Variants in FOXP2 observed in about 807,000 individuals in gnomAD.
FOXP2 encodes forkhead box protein P2.
A neutral mutation model predicts 115.8 loss-of-function variants in FOXP2; 12 were observed. The observed-to-expected ratio is 0.10, with a 90% CI of 0.07 to 0.17. The LOEUF is 0.17. Ranked by LOEUF, FOXP2 falls within the 10% of genes least tolerant of loss-of-function variation. The pLI is 1.00. For missense variants in FOXP2, 629 were observed against 843.5 expected, an observed-to-expected ratio of 0.75 and a Z score of 3.15; for synonymous variants, 328 against 297.7, an observed-to-expected ratio of 1.10 and a Z score of -1.05.
chr7:114,619,747 G>A (rs1804143098), intron 3 of FOXP2, among the ~76,000 whole-genome samples: 1 of 152,056 alleles, frequency 6.6e-6, no homozygotes, highest in East Asian at 1.9e-4. Context: ...TGAATAAACT[G>A]GCTGTGAAAG....
chr7:114,187,695 T>C (rs774314394), intron 1 of FOXP2, among the ~76,000 whole-genome samples: 3 of 152,248 alleles, frequency 2.0e-5, no homozygotes, highest in Non-Finnish European at 4.4e-5. Context: ...GTATTTGTTA[T>C]AGTAACAACC....
intron 1 of FOXP2, among the ~76,000 whole-genome samples, chr7:114,225,326 T>C (rs909659859): frequency 6.6e-6 from 1 of 152,116 alleles, no homozygotes; most frequent in Non-Finnish European, 1.5e-5. Flanking sequence ...CCCCTTTCTT[T>C]CCTTTTTTGA....
intron 1 of FOXP2, among the ~76,000 whole-genome samples, chr7:114,201,363 T>C (rs896249796): frequency 9.9e-5 from 15 of 152,088 alleles, no homozygotes; most frequent in Non-Finnish European, 1.8e-4. Context: ...CTCAGGAGGC[T>C]GAGGCTGGAG....
chr7:114,392,913 G>T (rs981686077), intron 2 of FOXP2, among the ~76,000 whole-genome samples: 2 of 152,158 alleles, frequency 1.3e-5, no homozygotes, highest in Non-Finnish European at 2.9e-5. Flanking sequence ...TGAGGTAAGT[G>T]GATGGGTTTA....
chr7:114,541,007 G>C (rs1799637463), intron 3 of FOXP2, among the ~76,000 whole-genome samples: 1 of 152,054 alleles, frequency 6.6e-6, no homozygotes, highest in South Asian at 2.1e-4. Context: ...GCAGTGGTCT[G>C]TGAAGATAGC....
intron 1 of FOXP2, among the ~76,000 whole-genome samples, chr7:114,120,419 T>C (rs1450209274): frequency 6.6e-6 from 1 of 152,102 alleles, no homozygotes; most frequent in Non-Finnish European, 1.5e-5. Context: ...TTTGAAAGCA[T>C]TTGAAACTGG....
Position 114,534,679 on chromosome 7 carries a change from G to A in FOXP2, c.231G>A (p.Lys77=). The A allele has an allele frequency of 6.2e-7, 1 of 1,611,904 alleles. No homozygotes were observed. Among genetic ancestry groups the A allele is most frequent in the Non-Finnish European group, 8.5e-7 (1 of 1,178,508 alleles). The change falls in exon 3 of 17, where the codon AAG becomes AAA. Residue 77 remains lysine, a synonymous_variant. Transcript: ENST00000350908. ...AAACAAGTGGATTGAAATCTCCTAA[G>A]AGCAGTGATAAACAGAGACCACTGC... The part of the protein sequence containing the change: ...QQQTSGLKSP[K]SSDKQRPLQV...
At chr7:114,245,989 A>T (rs1054157855) in intron 1 of FOXP2, among the ~76,000 whole-genome samples, 1 of 152,166 alleles carries the variant, frequency 6.6e-6, no homozygotes, top group Non-Finnish European at 1.5e-5. Context: ...GTTCTCTGAC[A>T]TTAGAAGGTG....
chr7:114,538,195 C>A, intron 3 of FOXP2: 2 of 498,616 alleles, frequency 4.0e-6, no homozygotes, highest in Non-Finnish European at 7.4e-6. Flanking sequence ...CACACATGCA[C>A]ACTTCCATAA....
In FOXP2 at chr7:114,534,627, C is replaced by G; in HGVS notation, c.179C>G (p.Ala60Gly). 6.2e-7 allele frequency: 1 copy of G among 1,611,784 alleles called. No homozygotes were observed. The highest frequency in any genetic ancestry group is 8.5e-7 in the Non-Finnish European group (1 of 1,178,352). ...LHLQQQQALQAARQLLLQQQT... is the reference protein window; with the variant it reads ...LHLQQQQALQGARQLLLQQQT... ...CATTTTTACTTCTAGGCTCTCCAGG[C>G]AGCAAGACAACTTCTTTTACAGCAG... The change falls in exon 3 of 17, where the codon GCA (alanine) becomes GGA (glycine). Residue 60 changes from alanine to glycine, a missense_variant. Physicochemically the swap from Ala to Gly is moderately conservative, Grantham distance 60. Coordinates refer to ENST00000350908, the MANE Select transcript of FOXP2 (RefSeq NM_014491.4).
intron 1 of FOXP2, among the ~76,000 whole-genome samples, chr7:114,097,586 A>G (rs1799678596): frequency 6.6e-6 from 1 of 152,198 alleles, no homozygotes; most frequent in Non-Finnish European, 1.5e-5. Flanking sequence ...TGCTTGGCTT[A>G]TAAACAAAAT....
chr7:114,373,443 A>G (rs973018384), intron 2 of FOXP2, among the ~76,000 whole-genome samples: 1 of 151,806 alleles, frequency 6.6e-6, no homozygotes, highest in Admixed American at 6.6e-5. Context: ...ACTGTGACAA[A>G]GTGGCCTATG....
At chr7:114,660,405 T>C (rs1585003779) in intron 13 of FOXP2, among the ~76,000 whole-genome samples, 1 of 152,198 alleles carries the variant, frequency 6.6e-6, no homozygotes, top group East Asian at 1.9e-4. Flanking sequence ...ACAAGCCATT[T>C]GGTACAAAAG....
intron 1 of FOXP2, among the ~76,000 whole-genome samples, chr7:114,146,962 A>AATCTTAG (rs1266601186): frequency 4.6e-5 from 7 of 152,168 alleles, no homozygotes; most frequent in Non-Finnish European, 1.5e-5. Context: ...ATAGATGAAT[A>AATCTTAG]ATCTTAGCAG....
intron 2 of FOXP2, among the ~76,000 whole-genome samples, chr7:114,456,627 A>G (rs939475624): frequency 1.3e-5 from 2 of 152,212 alleles, no homozygotes; most frequent in African/African-American, 2.4e-5. Context: ...AAGAATTTCA[A>G]TAGGGTATGA....
At chr7:114,274,987 C>T (rs1030095827) in intron 1 of FOXP2, among the ~76,000 whole-genome samples, 3 of 151,926 alleles carry the variant, frequency 2.0e-5, no homozygotes, top group Non-Finnish European at 4.4e-5. Context: ...ATTCTCTCTC[C>T]TTGCTTGCAT....
chr7:114,187,184 A>C (rs1793629704), intron 1 of FOXP2, among the ~76,000 whole-genome samples: 1 of 152,206 alleles, frequency 6.6e-6, no homozygotes, highest in Non-Finnish European at 1.5e-5. Flanking sequence ...TGATCAGGCT[A>C]GGAATTTTCC....
At chr7:114,460,460 A>G (rs1010244485) in intron 2 of FOXP2, among the ~76,000 whole-genome samples, 1 of 152,212 alleles carries the variant, frequency 6.6e-6, no homozygotes, top group South Asian at 2.1e-4. Flanking sequence ...GTCTAGTGCA[A>G]TGTAAATATG....
chr7:114,157,136 G>T (rs1304684103), intron 1 of FOXP2, among the ~76,000 whole-genome samples: 3 of 151,984 alleles, frequency 2.0e-5, no homozygotes, highest in African/African-American at 7.2e-5. Flanking sequence ...ACCATTCCTT[G>T]TCAAATGACT....
Sources: allele counts gnomAD v4.1 joint callset (sites outside exome capture counted in the v4.1 genomes callset), GRCh38; gene constraint gnomAD v4.1.1; transcripts MANE v1.5; gene names NCBI Gene and HGNC (gene_info 2026-07-23, HGNC 2026-07-21).